Variants in ASB10 observed in about 807,000 individuals in gnomAD.
ASB10 encodes ankyrin repeat and SOCS box protein 10.
Under a neutral mutation model 35.4 loss-of-function variants are expected in ASB10, and 44 were observed. That is an observed-to-expected ratio of 1.24 (90% CI 0.98 to 1.60). The LOEUF is 1.60. ASB10 is among the 40% of genes most tolerant of loss of function. The pLI is 0.00. For synonymous variants in ASB10, 294 were observed against 280.4 expected (o/e 1.05, Z -0.49); for missense variants, 647 against 634.3 (o/e 1.02, Z -0.22).
chr7:151,185,422 T>C (rs1051568408), intron 2 of ASB10, among the ~76,000 whole-genome samples: 2 of 152,090 alleles, frequency 1.3e-5, no homozygotes, highest in African/African-American at 4.8e-5. Flanking sequence ...CCCGGCCATT[T>C]GTCATTTTTT....
chr7:151,187,277 T>C (rs761288417), upstream of ASB10: 4 of 1,508,732 alleles, frequency 2.7e-6, no homozygotes, highest in Non-Finnish European at 3.6e-6. This position sits in a 1 kb window ranked among gnomAD's most constrained non-coding sequence, Gnocchi z 5.3. Flanking sequence ...CAGCAGGAGC[T>C]ATTCTGGGCT....
chr7:151,185,556 C>T (rs1459860775), intron 2 of ASB10, among the ~76,000 whole-genome samples: 3 of 152,126 alleles, frequency 2.0e-5, no homozygotes, highest in Non-Finnish European at 4.4e-5. Flanking sequence ...CCTCTAGAGG[C>T]TGATGAGATT....
At chr7:151,183,096 G>C (rs1801523375) in intron 2 of ASB10, among the ~76,000 whole-genome samples, 1 of 152,196 alleles carries the variant, frequency 6.6e-6, no homozygotes, top group African/African-American at 2.4e-5. Flanking sequence ...TTCTTGAAAT[G>C]TGGCTAATCC....
intron 2 of ASB10, among the ~76,000 whole-genome samples, chr7:151,183,457 GA>G (rs761169774): frequency 6.6e-6 from 1 of 152,124 alleles, no homozygotes; most frequent in Non-Finnish European, 1.5e-5. Context: ...ACCCAGGCTG[GA>G]ATACAGTGGC....
intron 2 of ASB10, among the ~76,000 whole-genome samples, chr7:151,185,414 C>T (rs941035164): frequency 2.0e-5 from 3 of 152,062 alleles, no homozygotes; most frequent in Non-Finnish European, 2.9e-5. Context: ...CCACCGTGCC[C>T]GGCCATTTGT....
chr7:151,178,784 C>A (rs984145587), intron 3 of ASB10, among the ~76,000 whole-genome samples: 3 of 152,196 alleles, frequency 2.0e-5, no homozygotes, highest in Admixed American at 2.0e-4. Flanking sequence ...TGCATCTGAG[C>A]AGTGCTCATC....
In ASB10 at chr7:151,186,986, G is replaced by C. The variant is rs142736544; in HGVS notation, c.145C>G (p.Arg49Gly). The C allele has an allele frequency of 1.1e-5, 17 of 1,611,960 alleles. No individual in the cohort carries two copies. The East Asian group carries it at 3.6e-4, about 34-fold the overall frequency. Residue 49 changes from arginine (R) to glycine (G), a missense_variant, in exon 1 of 6, where the codon CGC becomes GGC. Physicochemically the swap from Arg to Gly is moderately radical, Grantham distance 125. Coordinates refer to ENST00000420175, the MANE Select transcript of ASB10 (RefSeq NM_001142459.2). ...GCAAGGGCAGGTCCTGAGGCTGTGC[G>C]GGTGACGATGGGTCCCGGGCCAGAC... is the stretch of plus-strand genomic sequence containing the variant. ...LKSGPGPIVT[R>G]TASGPALAFW...
intron 2 of ASB10, 146 bp from the exon 3 acceptor site, chr7:151,181,604 C>A: frequency 8.1e-7 from 1 of 1,229,042 alleles, no homozygotes; most frequent in Non-Finnish European, 1.1e-6. Flanking sequence ...GCAAGATCAA[C>A]AGTGCCCTTC....
intron 2 of ASB10, among the ~76,000 whole-genome samples, chr7:151,182,451 C>T (rs1801513103): frequency 6.6e-6 from 1 of 151,790 alleles, no homozygotes; most frequent in Admixed American, 6.6e-5. Flanking sequence ...AGTGGTGGGC[C>T]CCTGTAATCC....
intron 2 of ASB10, among the ~76,000 whole-genome samples, chr7:151,183,543 G>C (rs1584816470): frequency 6.6e-6 from 1 of 152,216 alleles, no homozygotes; most frequent in South Asian, 2.1e-4. Flanking sequence ...GAGTAGCTGA[G>C]ATTACAGGTG....
chr7:151,177,162 A>G (rs539092271), intron 3 of ASB10, among the ~76,000 whole-genome samples: 1 of 152,386 alleles, frequency 6.6e-6, no homozygotes, highest in South Asian at 2.1e-4. Context: ...GCTTTAAGCT[A>G]CCCACTTTGT....
intron 3 of ASB10, among the ~76,000 whole-genome samples, chr7:151,180,026 G>C (rs1468625067): frequency 1.3e-5 from 2 of 152,230 alleles, no homozygotes; most frequent in African/African-American, 4.8e-5. Flanking sequence ...AAGGGGAGAG[G>C]CTGGGATAGC....
upstream of ASB10, chr7:151,187,606 C>T: frequency 6.5e-7 from 1 of 1,543,764 alleles, no homozygotes; most frequent in Non-Finnish European, 8.8e-7. This position sits in a 1 kb window ranked among gnomAD's most constrained non-coding sequence, Gnocchi z 5.3. Context: ...GTGGTGATGG[C>T]CGAGGGGGCT....
rs1486298590 is a variant in ASB10 at position 151,176,124 on chromosome 7, G to A, written c.1392C>T (p.Gly464=). ...LLRYLQLDFE[G]VLY is the part of the protein sequence containing the mutation. Reference sequence around the variant, plus strand: ...TCCCGGGGCTCACCTAGTAGAGCACGCCCTCAAAATCCAGCTGCAGGTAGC... The same window carrying A: ...TCCCGGGGCTCACCTAGTAGAGCACACCCTCAAAATCCAGCTGCAGGTAGC... Residue 464 remains glycine (G), a synonymous_variant, in exon 5 of 6, where the codon GGC becomes GGT. Coordinates refer to ENST00000420175, the MANE Select transcript of ASB10 (RefSeq NM_001142459.2). 2 of 1,611,420 alleles carry A rather than the reference G, an allele frequency of 1.2e-6. No individual in the cohort carries two copies. The highest frequency in any genetic ancestry group is 1.7e-6 in the Non-Finnish European group (2 of 1,179,752).
intron 2 of ASB10, among the ~76,000 whole-genome samples, chr7:151,185,646 G>A (rs954308352): frequency 1.2e-4 from 18 of 152,320 alleles, no homozygotes; most frequent in Non-Finnish European, 2.2e-4. Flanking sequence ...GACAAGACCT[G>A]CAGGTGTGCA....
intron 2 of ASB10, among the ~76,000 whole-genome samples, chr7:151,185,342 C>A (rs1801570033): frequency 6.6e-6 from 1 of 152,054 alleles, no homozygotes; most frequent in South Asian, 2.1e-4. Context: ...TGGTCTCGAA[C>A]TCCTGGCCTC....
At chr7:151,180,184 C>CATT (rs1801459172) in intron 3 of ASB10, among the ~76,000 whole-genome samples, 1 of 152,238 alleles carries the variant, frequency 6.6e-6, no homozygotes, top group African/African-American at 2.4e-5. Context: ...CCCTCCATGA[C>CATT]ATTATCTATG....
At position 151,175,787 on chromosome 7, in the gene ASB10, C is replaced by T; in HGVS notation, c.*180G>A. The stretch of plus-strand genomic sequence containing the variant: ...AGCCCCAGTAGGAGTGTGTCTTCAT[C>T]AGACATCACCCGGCTGCCGCTGTCG... On this transcript the variant is annotated 3_prime_UTR_variant, in exon 6 of 6. Transcript: ENST00000420175. The T allele has an allele frequency of 5.6e-6, 2 of 357,474 alleles. No individual in the cohort carries two copies. The highest frequency in any genetic ancestry group is 1.0e-5 in the Non-Finnish European group (2 of 196,078). 22.1% of individuals were successfully genotyped at this position (357,474 alleles called of 1,614,324 possible). A position where few individuals can be genotyped will look rare whatever the true frequency, so the allele number is the denominator to read the frequency against.
In ASB10 at chr7:151,181,020, G is replaced by A. The variant is rs1584814114; in HGVS notation, c.1023C>T (p.Ala341=). 2 of 1,606,734 alleles carry A rather than the reference G, an allele frequency of 1.2e-6. No homozygotes were observed. The highest frequency in any genetic ancestry group is 1.7e-6 in the Non-Finnish European group (2 of 1,175,640). ...CCACGTGCTCGGGGCTCTGGGCCAG[G>A]GCTGCAGCTGGGCCCTGCAGAGCAC... ...LHCALQGPAA[A]LAQSPEHVVR... Residue 341 remains alanine (A), a synonymous_variant, in exon 3 of 6, where the codon GCC becomes GCT. Coordinates refer to ENST00000420175, the MANE Select transcript of ASB10 (RefSeq NM_001142459.2).
Sources: allele counts gnomAD v4.1 joint callset (sites outside exome capture counted in the v4.1 genomes callset), GRCh38; gene constraint gnomAD v4.1.1; non-coding constraint Gnocchi (gnomAD v3.1); transcripts MANE v1.5; gene names NCBI Gene and HGNC (gene_info 2026-07-23, HGNC 2026-07-21).